The following ADCK1 variants were observed in gnomAD, a reference collection of about 807,000 sequenced individuals.
ADCK1 encodes the protein aarF domain-containing protein kinase 1.
ADCK1 carries 41 observed loss-of-function variants against 52.3 expected under a neutral mutation model. The ratio of observed to expected loss-of-function variants is 0.78; its 90% confidence interval spans 0.61 to 1.02. The LOEUF is 1.02. ADCK1 is among the 50% of genes least tolerant of loss of function. The probability of loss-of-function intolerance (pLI) is 0.00; values close to 1 mark genes in which losing one functional copy is unlikely to be tolerated. For missense variants in ADCK1, 658 were observed against 679.5 expected (o/e 0.97, Z 0.35); for synonymous variants, 250 against 274.6 (o/e 0.91, Z 0.89).
chr14:77,831,535 T>C lies in ADCK1; in HGVS notation c.219+9017T>C, dbSNP rs944899147. Among the ~76,000 whole-genome samples the C allele has an allele frequency of 2.6e-5, 4 of 152,216 alleles. No individual in the cohort carries two copies. In the East Asian group the frequency reaches 7.7e-4, roughly 29 times the overall value. ...GGAGTATGGGACAGCTATTTTGGCA[T>C]TACTAAAATCTGCACTTAGAGGCAA... On this transcript the variant is annotated intron_variant, in intron 3 of 10. Coordinates refer to ENST00000238561, the MANE Select transcript of ADCK1 (RefSeq NM_020421.4).
chr14:77,868,893 A>G (rs1331999699), intron 4 of ADCK1, among the ~76,000 whole-genome samples: 1 of 152,198 alleles, frequency 6.6e-6, no homozygotes, highest in African/African-American at 2.4e-5. Flanking sequence ...AGCAGGCAGA[A>G]CCGTGCACAG....
intron 5 of ADCK1, among the ~76,000 whole-genome samples, chr14:77,890,080 T>C (rs1345327571): frequency 6.6e-6 from 1 of 152,244 alleles, no homozygotes; most frequent in Non-Finnish European, 1.5e-5. Flanking sequence ...GAAAGCACTA[T>C]ATTAGTTATC....
At chr14:77,809,197 G>A (rs2081287036) in intron 1 of ADCK1, among the ~76,000 whole-genome samples, 1 of 152,138 alleles carries the variant, frequency 6.6e-6, no homozygotes, top group Non-Finnish European at 1.5e-5. Context: ...ATACACTTGA[G>A]GATGACCAAG....
chr14:77,836,215 G>C (rs952764370), intron 3 of ADCK1, among the ~76,000 whole-genome samples: 3 of 152,210 alleles, frequency 2.0e-5, no homozygotes, highest in African/African-American at 7.2e-5. Context: ...GACCCAGCAA[G>C]ACGGCCCTTG....
chr14:77,823,833 A>C (rs748389710), intron 3 of ADCK1, among the ~76,000 whole-genome samples: 2 of 152,058 alleles, frequency 1.3e-5, no homozygotes. Context: ...TGGCCTCCCA[A>C]AGTGCTGGGA....
chr14:77,924,747 G>A (rs1397360366), intron 8 of ADCK1, 141 bp downstream of exon 8: 2 of 1,223,398 alleles, frequency 1.6e-6, no homozygotes, highest in African/African-American at 3.0e-5. Context: ...CTGTCATTTT[G>A]TGCAAGTCAC....
intron 9 of ADCK1, among the ~76,000 whole-genome samples, chr14:77,926,250 A>G (rs2084191187): frequency 6.6e-6 from 1 of 152,196 alleles, no homozygotes; most frequent in African/African-American, 2.4e-5. Flanking sequence ...CTGTAGCTTT[A>G]GCTCTGACCT....
intron 2 of ADCK1, among the ~76,000 whole-genome samples, chr14:77,820,657 T>C (rs2081561997): frequency 6.6e-6 from 1 of 151,682 alleles, no homozygotes; most frequent in Non-Finnish European, 1.5e-5. Context: ...TGTGTGTGTG[T>C]GTGTGTGTGT....
Position 77,925,918 on chromosome 14 carries a change from C to G in ADCK1, c.1163C>G (p.Ser388Trp), listed in dbSNP as rs368389188. Residue 388 changes from serine (S) to tryptophan (W), a missense_variant, in exon 9 of 11, where the codon TCG becomes TGG. Ser to Trp is a radical substitution (Grantham distance 177). Coordinates refer to ENST00000238561, the MANE Select transcript of ADCK1 (RefSeq NM_020421.4). The stretch of plus-strand genomic sequence containing the variant: ...ATGCTGACGGCGCGATCGTGGGACT[C>G]GGTCAACAGAGGCATCAGCCAAGCT... Reference protein sequence around the residue: ...ACMLTARSWDSVNRGISQAPV... With the variant: ...ACMLTARSWDWVNRGISQAPV... The G allele has an allele frequency of 6.2e-7, 1 of 1,614,178 alleles. No homozygotes were observed. The highest frequency in any genetic ancestry group is 8.5e-7 in the Non-Finnish European group (1 of 1,180,048).
At chr14:77,868,632 G>T (rs1186726083) in intron 4 of ADCK1, among the ~76,000 whole-genome samples, 1 of 152,126 alleles carries the variant, frequency 6.6e-6, no homozygotes, top group Non-Finnish European at 1.5e-5. Context: ...GGGATCTAGT[G>T]CTCAGGGTCG....
At chr14:77,820,319 ATG>A (rs2081552506) in intron 2 of ADCK1, among the ~76,000 whole-genome samples, 1 of 133,674 alleles carries the variant, frequency 7.5e-6, no homozygotes, top group Admixed American at 7.6e-5. Context: ...ATATATATAT[ATG>A]TATATTTTTT....
chr14:77,897,061 C>CT (rs960943282), intron 5 of ADCK1, among the ~76,000 whole-genome samples: 10 of 152,256 alleles, frequency 6.6e-5, no homozygotes, highest in African/African-American at 2.2e-4. Flanking sequence ...TGAGACAAGG[C>CT]TTTTATCTGG....
chr14:77,863,194 G>A (rs906479261), intron 4 of ADCK1, among the ~76,000 whole-genome samples: 11 of 152,164 alleles, frequency 7.2e-5, no homozygotes, highest in South Asian at 6.2e-4. Context: ...AGGACTTGGG[G>A]AGGGACCTGA....
At chr14:77,917,226 T>C (rs1243571155) in intron 7 of ADCK1, among the ~76,000 whole-genome samples, 6 of 152,134 alleles carry the variant, frequency 3.9e-5, no homozygotes, top group Non-Finnish European at 8.8e-5. Context: ...CCCCGTATTT[T>C]TTTTTTCAAA....
intron 7 of ADCK1, among the ~76,000 whole-genome samples, chr14:77,920,382 T>C (rs2084021743): frequency 6.6e-6 from 1 of 152,206 alleles, no homozygotes; most frequent in Non-Finnish European, 1.5e-5. Context: ...TGTTTTTGTT[T>C]GCTTTGTTGA....
intron 4 of ADCK1, among the ~76,000 whole-genome samples, chr14:77,878,423 C>A (rs776935897): frequency 6.6e-6 from 1 of 152,252 alleles, no homozygotes; most frequent in African/African-American, 2.4e-5. Flanking sequence ...CCGTGCAGGG[C>A]AAAGATATCC....
In ADCK1 at chr14:77,934,563, T is replaced by A. The variant is rs1322823799; in HGVS notation, c.*1172T>A. 6.6e-6 allele frequency: 1 copy of A among 152,312 alleles called. No individual in the cohort carries two copies. Among genetic ancestry groups the A allele is most frequent in the Non-Finnish European group, 1.5e-5 (1 of 68,158 alleles). The allele number at this position is 152,312 out of a possible 1,614,324, so 9.4% of individuals were successfully genotyped here. A position where few individuals can be genotyped will look rare whatever the true frequency, so the allele number is the denominator to read the frequency against. On this transcript the variant is annotated 3_prime_UTR_variant, in exon 11 of 11. Coordinates refer to ENST00000238561, the MANE Select transcript of ADCK1 (RefSeq NM_020421.4). ...TTTCACTGGGAAACTTCTGTGTTTC[T>A]ACCCCATTGCTTGCTGCCAGCACTG...
chr14:77,926,549 C>T (rs370563136), intron 9 of ADCK1, among the ~76,000 whole-genome samples: 2 of 152,122 alleles, frequency 1.3e-5, no homozygotes, highest in Non-Finnish European at 2.9e-5. Context: ...GGCATGATAT[C>T]GGCTCACTGC....
At chr14:77,927,807 G>A (rs760063602) in intron 9 of ADCK1, among the ~76,000 whole-genome samples, 9 of 152,220 alleles carry the variant, frequency 5.9e-5, no homozygotes, top group Non-Finnish European at 1.2e-4. Flanking sequence ...TGAGGAGGAC[G>A]GTGGGATGAG....
Sources: allele counts gnomAD v4.1 joint callset (sites outside exome capture counted in the v4.1 genomes callset), GRCh38; gene constraint gnomAD v4.1.1; transcripts MANE v1.5; gene names NCBI Gene and HGNC (gene_info 2026-07-23, HGNC 2026-07-21).